Variants in TCF7L1 observed in about 807,000 individuals in gnomAD.
TCF7L1 encodes transcription factor 7 like 1, also known as transcription factor 7-like 1.
Under a neutral mutation model 63.7 loss-of-function variants are expected in TCF7L1, and 18 were observed. That is an observed-to-expected ratio of 0.28 (90% CI 0.20 to 0.42). The LOEUF is 0.42. Ranked by LOEUF, TCF7L1 falls within the 10% of genes least tolerant of loss-of-function variation. The probability of loss-of-function intolerance (pLI) is 1.00; values close to 1 mark genes in which losing one functional copy is unlikely to be tolerated. For missense variants in TCF7L1, 654 were observed against 779.3 expected (o/e 0.84, Z 1.91); for synonymous variants, 355 against 340.9 (o/e 1.04, Z -0.46).
At chr2:85,157,318 C>T (rs1221728838) in intron 3 of TCF7L1, among the ~76,000 whole-genome samples, 1 of 152,148 alleles carries the variant, frequency 6.6e-6, no homozygotes, top group African/African-American at 2.4e-5. Flanking sequence ...GATTGAGAAC[C>T]CTCATTCTTT....
At chr2:85,211,796 A>G (rs1679553390) in intron 3 of TCF7L1, among the ~76,000 whole-genome samples, 1 of 152,174 alleles carries the variant, frequency 6.6e-6, no homozygotes, top group Admixed American at 6.5e-5. Context: ...GCATGTAAAA[A>G]TCCAGACTTT....
At chr2:85,221,524 G>C (rs1218539334) in intron 3 of TCF7L1, among the ~76,000 whole-genome samples, 1 of 152,198 alleles carries the variant, frequency 6.6e-6, no homozygotes, top group African/African-American at 2.4e-5. Context: ...ATCTGGTGCA[G>C]GCCTTCTTAC....
At chr2:85,216,695 C>G (rs1309851998) in intron 3 of TCF7L1, among the ~76,000 whole-genome samples, 2 of 152,142 alleles carry the variant, frequency 1.3e-5, no homozygotes, top group Admixed American at 6.5e-5. Flanking sequence ...TTAGCAATTA[C>G]CGAACAACTT....
intron 3 of TCF7L1, among the ~76,000 whole-genome samples, chr2:85,180,980 C>T (rs1157536605): frequency 6.6e-6 from 1 of 152,208 alleles, no homozygotes; most frequent in Non-Finnish European, 1.5e-5. Context: ...CCCTGGCATC[C>T]AGAGTGGCTC....
At chr2:85,140,480 T>C (rs199858232) in intron 3 of TCF7L1, among the ~76,000 whole-genome samples, 3 of 151,758 alleles carry the variant, frequency 2.0e-5, no homozygotes, top group African/African-American at 7.3e-5. Flanking sequence ...CCCTTTCTTT[T>C]CCTCCATGGT....
At chr2:85,205,658 A>G (rs1679391073) in intron 3 of TCF7L1, among the ~76,000 whole-genome samples, 1 of 152,060 alleles carries the variant, frequency 6.6e-6, no homozygotes. Context: ...CAGCCTCCCA[A>G]GTAGCTTGGA....
At chr2:85,261,453 A>C (rs1680855836) in intron 3 of TCF7L1, among the ~76,000 whole-genome samples, 1 of 152,184 alleles carries the variant, frequency 6.6e-6, no homozygotes, top group African/African-American at 2.4e-5. Flanking sequence ...CAATGCCTGG[A>C]AGAGGACTTT....
Position 85,281,281 on chromosome 2 carries a change from T to A in TCF7L1, c.442-2214T>A, listed in dbSNP as rs151117332. ...CTCGAATGATTTGCCCACCTTGGCC[T>A]CCCAAAGTGCTGGGATTACAGGCAT... On this transcript the variant is annotated intron_variant, in intron 3 of 11. Transcript: ENST00000282111. Among the ~76,000 whole-genome samples, 41 of 152,246 alleles carry A rather than the reference T, an allele frequency of 2.7e-4. No homozygotes were observed. In the East Asian group the frequency reaches 7.5e-3, roughly 28 times the overall value.
chr2:85,180,558 C>T (rs572361382), intron 3 of TCF7L1, among the ~76,000 whole-genome samples: 1 of 152,306 alleles, frequency 6.6e-6, no homozygotes, highest in Non-Finnish European at 1.5e-5. Flanking sequence ...CAGTTATCCA[C>T]ATTACAGACC....
intron 4 of TCF7L1, among the ~76,000 whole-genome samples, chr2:85,302,013 A>G (rs1320536006): frequency 6.6e-6 from 1 of 152,032 alleles, no homozygotes; most frequent in Non-Finnish European, 1.5e-5. Flanking sequence ...CTGTAATCCC[A>G]GCTACTCCAG....
intron 3 of TCF7L1, among the ~76,000 whole-genome samples, chr2:85,174,669 C>G (rs550044858): frequency 6.6e-6 from 1 of 152,178 alleles, no homozygotes; most frequent in Non-Finnish European, 1.5e-5. Context: ...ACTCACTAGC[C>G]TAGCACCTGA....
chr2:85,167,564 A>C (rs1176971773), intron 3 of TCF7L1, among the ~76,000 whole-genome samples: 1 of 152,178 alleles, frequency 6.6e-6, no homozygotes, highest in African/African-American at 2.4e-5. Context: ...AATATCATTC[A>C]GCTTTTTAAA....
chr2:85,226,171 G>A (rs1313805798), intron 3 of TCF7L1, among the ~76,000 whole-genome samples: 2 of 152,162 alleles, frequency 1.3e-5, no homozygotes, highest in Non-Finnish European at 2.9e-5. Flanking sequence ...TGCTGGATTC[G>A]GTTTGCTAGT....
intron 3 of TCF7L1, among the ~76,000 whole-genome samples, chr2:85,241,236 C>G (rs543807720): frequency 2.6e-5 from 4 of 152,192 alleles, no homozygotes; most frequent in Admixed American, 2.6e-4. Context: ...CTTTCTTTCT[C>G]AGTGTGGGAA....
intron 3 of TCF7L1, among the ~76,000 whole-genome samples, chr2:85,181,636 G>A (rs62162859): frequency 0.012 from 1,878 of 152,256 alleles, 21 homozygotes; most frequent in Middle Eastern, 0.024. Flanking sequence ...GGAGGAGAGG[G>A]AGAGGAATTC....
intron 3 of TCF7L1, chr2:85,232,922 T>C (rs1680116185): frequency 6.6e-6 from 1 of 152,134 alleles, no homozygotes; most frequent in Admixed American, 6.6e-5. Flanking sequence ...TTTTTGTTTG[T>C]GATTTTGTTT....
intron 3 of TCF7L1, among the ~76,000 whole-genome samples, chr2:85,189,295 G>A (rs572281238): frequency 1.2e-4 from 19 of 152,094 alleles, no homozygotes; most frequent in African/African-American, 4.6e-4. Context: ...GTGTCCTTTC[G>A]AGATCATTTT....
Position 85,135,931 on chromosome 2 carries a change from A to AG in TCF7L1, c.441+1492dup, listed in dbSNP as rs56107490. ...AAGAAAAGAGGTGCGTGCCAATCAAAGGGGGGGGGGGATCAACGAGCTGCT... is the reference window on the plus strand; with the variant it reads ...AAGAAAAGAGGTGCGTGCCAATCAAAGGGGGGGGGGGGATCAACGAGCTGCT... On this transcript the variant is annotated intron_variant, in intron 3 of 11. Transcript: ENST00000282111. 7.1e-3 allele frequency among the ~76,000 whole-genome samples: 1,022 copies of AG among 143,714 alleles called. 8 individuals are homozygous for AG. The highest frequency in any genetic ancestry group is 0.019 in the African/African-American group (721 of 38,794). 94.3% of individuals were successfully genotyped at this position (143,714 alleles called of 152,430 possible). A position where few individuals can be genotyped will look rare whatever the true frequency, so the allele number is the denominator to read the frequency against.
At chr2:85,305,766 T>C (rs929592217) in intron 8 of TCF7L1, among the ~76,000 whole-genome samples, 40 of 152,292 alleles carry the variant, frequency 2.6e-4, no homozygotes, top group African/African-American at 9.4e-4. Context: ...GTGGCCGAGC[T>C]GAGATGAGCA....
Sources: gnomAD v4.1 joint callset for allele counts (sites outside exome capture counted in the v4.1 genomes callset) on GRCh38, gnomAD v4.1.1 for gene constraint, MANE v1.5 for transcripts, NCBI Gene and HGNC (gene_info 2026-07-23, HGNC 2026-07-21) for gene names.